Variants in CEP112 observed in about 807,000 individuals in gnomAD.
CEP112 encodes the protein centrosomal protein 112, also known as centrosomal protein of 112 kDa.
Under a neutral mutation model 153.0 loss-of-function variants are expected in CEP112, and 127 were observed. The observed-to-expected ratio is 0.83, with a 90% CI of 0.72 to 0.96. The LOEUF is 0.96. CEP112 is among the 40% of genes least tolerant of loss of function. The pLI is 0.00. For synonymous variants in CEP112, 358 were observed against 374.4 expected, an observed-to-expected ratio of 0.96 and a Z score of 0.51; for missense variants, 1,089 against 1,101.2, an observed-to-expected ratio of 0.99 and a Z score of 0.16.
chr17:66,127,924 T>G (rs552019513), intron 6 of CEP112, among the ~76,000 whole-genome samples: 2 of 152,268 alleles, frequency 1.3e-5, no homozygotes, highest in African/African-American at 2.4e-5. Context: ...AATCAGTCAC[T>G]TAGCACATTT....
chr17:65,746,089 C>T (rs1395275411), intron 22 of CEP112, among the ~76,000 whole-genome samples: 2 of 132,894 alleles, frequency 1.5e-5, no homozygotes, highest in Non-Finnish European at 3.1e-5. Context: ...CACTTGAACC[C>T]GGGAGGCGGA....
chr17:66,086,889 C>A (rs1436515656), intron 8 of CEP112, among the ~76,000 whole-genome samples: 1 of 152,012 alleles, frequency 6.6e-6, no homozygotes, highest in East Asian at 1.9e-4. Context: ...TATAATCAGA[C>A]ATGCTACTTT....
At chr17:65,994,521 G>C (rs1429622184) in intron 17 of CEP112, among the ~76,000 whole-genome samples, 1 of 152,094 alleles carries the variant, frequency 6.6e-6, no homozygotes, top group African/African-American at 2.4e-5. Context: ...TAGAGATGGG[G>C]TCTTGCTACA....
intron 10 of CEP112, among the ~76,000 whole-genome samples, chr17:66,065,992 TACA>T (rs1448013013): frequency 6.6e-6 from 1 of 152,206 alleles, no homozygotes; most frequent in Admixed American, 6.5e-5. Flanking sequence ...GTACCCTTCC[TACA>T]ACTTACCTAT....
At chr17:65,733,864 A>G (rs555324899) in intron 23 of CEP112, among the ~76,000 whole-genome samples, 1 of 152,320 alleles carries the variant, frequency 6.6e-6, no homozygotes, top group Admixed American at 6.5e-5. Flanking sequence ...CAGGTCCACA[A>G]TGTTCTATCT....
At chr17:65,678,012 A>G (rs1291006316) in intron 24 of CEP112, among the ~76,000 whole-genome samples, 2 of 150,082 alleles carry the variant, frequency 1.3e-5, no homozygotes, top group African/African-American at 4.8e-5. Context: ...TTCTCAACAG[A>G]AAAAGGGCTG....
At chr17:65,768,969 A>G (rs1043471817) in intron 21 of CEP112, among the ~76,000 whole-genome samples, 1 of 152,142 alleles carries the variant, frequency 6.6e-6, no homozygotes, top group Admixed American at 6.6e-5. Flanking sequence ...ACAGGTATTC[A>G]AGCTGGATAA....
intron 24 of CEP112, among the ~76,000 whole-genome samples, chr17:65,665,052 C>G (rs1260123310): frequency 6.6e-6 from 1 of 152,206 alleles, no homozygotes; most frequent in East Asian, 1.9e-4. Context: ...CTCTCATGAC[C>G]TAATTACCTT....
intron 21 of CEP112, among the ~76,000 whole-genome samples, chr17:65,823,686 T>G (rs987232123): frequency 2.0e-5 from 3 of 152,186 alleles, no homozygotes; most frequent in East Asian, 1.9e-4. Flanking sequence ...GAATCTCTGC[T>G]CTTTGATTTG....
chr17:65,937,106 G>A (rs1358919454), intron 18 of CEP112, among the ~76,000 whole-genome samples: 10 of 149,066 alleles, frequency 6.7e-5, no homozygotes, highest in East Asian at 4.2e-4. Flanking sequence ...ACAGAGTCTC[G>A]TTCACTCAGT....
At chr17:65,797,930 G>A (rs1207409324) in intron 21 of CEP112, among the ~76,000 whole-genome samples, 2 of 152,144 alleles carry the variant, frequency 1.3e-5, no homozygotes, top group African/African-American at 4.8e-5. Flanking sequence ...TAGTAGTGGG[G>A]GAGGCTGCAC....
intron 21 of CEP112, among the ~76,000 whole-genome samples, chr17:65,775,024 A>G (rs1453505254): frequency 1.3e-5 from 2 of 152,128 alleles, no homozygotes; most frequent in African/African-American, 4.8e-5. Context: ...TTCTGTGCTC[A>G]ATACCCTTGA....
chr17:66,143,091 AT>A (rs1051307370), intron 4 of CEP112, among the ~76,000 whole-genome samples: 25 of 152,136 alleles, frequency 1.6e-4, no homozygotes, highest in African/African-American at 5.1e-4. Flanking sequence ...ATTTTATTTG[AT>A]TTTTGTTGCC....
At chr17:66,114,793 T>C (rs1026650488) in intron 6 of CEP112, among the ~76,000 whole-genome samples, 1 of 152,082 alleles carries the variant, frequency 6.6e-6, no homozygotes, top group Non-Finnish European at 1.5e-5. Flanking sequence ...GCTATCCAAA[T>C]TGACAATAAA....
intron 20 of CEP112, among the ~76,000 whole-genome samples, chr17:65,870,071 A>AAGAAAGAAAGAAAGAG: frequency 6.6e-6 from 1 of 151,642 alleles, no homozygotes; most frequent in Non-Finnish European, 1.5e-5. Context: ...GAAAGAAAGA[A>AAGAAAGAAAGAAAGAG]AGAAAGAAAG....
chr17:66,053,960 A>G (rs2066565174), intron 11 of CEP112, 81 bp from the exon 12 acceptor site: 5 of 1,103,434 alleles, frequency 4.5e-6, no homozygotes, highest in Non-Finnish European at 6.5e-6. Flanking sequence ...AATGGTTTCT[A>G]TATTCCTCTA....
At chr17:65,932,989 G>A (rs1592615) in intron 18 of CEP112, among the ~76,000 whole-genome samples, 72,720 of 151,882 alleles carry the variant, frequency 0.48, 18,386 homozygotes, top group East Asian at 0.89. Flanking sequence ...ACAAAGGAAC[G>A]GAAATTATTT....
intron 21 of CEP112, among the ~76,000 whole-genome samples, chr17:65,809,479 T>C (rs959735502): frequency 6.6e-6 from 1 of 152,120 alleles, no homozygotes; most frequent in Non-Finnish European, 1.5e-5. Context: ...GAAGAGTCAA[T>C]TTAGATTTAT....
intron 4 of CEP112, among the ~76,000 whole-genome samples, chr17:66,156,280 T>A (rs1351534492): frequency 6.6e-6 from 1 of 152,120 alleles, no homozygotes; most frequent in Non-Finnish European, 1.5e-5. Context: ...CCAGCAGACC[T>A]GCAGCAGAGG....
Sources: allele counts gnomAD v4.1 joint callset (sites outside exome capture counted in the v4.1 genomes callset), GRCh38; gene constraint gnomAD v4.1.1; transcripts MANE v1.5; gene names NCBI Gene and HGNC (gene_info 2026-07-23, HGNC 2026-07-21).